Variants in RIMS2 observed in about 807,000 individuals in gnomAD.
RIMS2 encodes the protein regulating synaptic membrane exocytosis protein 2.
RIMS2 carries 59 observed loss-of-function variants against 174.4 expected under a neutral mutation model. The ratio of observed to expected loss-of-function variants is 0.34; its 90% CI spans 0.27 to 0.42. RIMS2 has a LOEUF of 0.42. Ranked by LOEUF, RIMS2 falls within the 10% of genes least tolerant of loss-of-function variation. RIMS2 has a pLI of 1.00. For missense variants in RIMS2, 1,620 were observed against 1,666.3 expected, an observed-to-expected ratio of 0.97 and a Z score of 0.48; for synonymous variants, 606 against 572.5, an observed-to-expected ratio of 1.06 and a Z score of -0.84.
intron 19 of RIMS2, among the ~76,000 whole-genome samples, chr8:104,190,654 C>T (rs991354019): frequency 2.6e-5 from 4 of 151,998 alleles, no homozygotes; most frequent in South Asian, 2.1e-4. Context: ...GCTCTGGGTG[C>T]GCAATGACTG....
chr8:103,807,492 A>C (rs2098658032), intron 3 of RIMS2, among the ~76,000 whole-genome samples: 1 of 152,154 alleles, frequency 6.6e-6, no homozygotes, highest in Admixed American at 6.6e-5. Flanking sequence ...CTTCTTCAAG[A>C]AATTTTGCTG....
intron 1 of RIMS2, among the ~76,000 whole-genome samples, chr8:103,673,548 C>T (rs1031900829): frequency 4.6e-5 from 7 of 152,230 alleles, no homozygotes; most frequent in Non-Finnish European, 1.0e-4. Context: ...AAAGTGTCAG[C>T]TCAAGCTGTA....
At chr8:103,536,262 G>A (rs114964834) in intron 1 of RIMS2, among the ~76,000 whole-genome samples, 1,568 of 152,076 alleles carry the variant, frequency 0.01, 29 homozygotes, top group African/African-American at 0.036. Context: ...TGTGTGTATG[G>A]GACCAAATTA....
chr8:104,203,684 A>G (rs1473930316), intron 19 of RIMS2, among the ~76,000 whole-genome samples: 3 of 151,686 alleles, frequency 2.0e-5, no homozygotes, highest in African/African-American at 7.3e-5. Context: ...TTGTAATTTT[A>G]GTATAGATGA....
At chr8:103,971,230 G>A (rs533722311) in intron 15 of RIMS2, among the ~76,000 whole-genome samples, 15 of 152,106 alleles carry the variant, frequency 9.9e-5, no homozygotes, top group Admixed American at 3.9e-4. Flanking sequence ...AATGTTGAGG[G>A]TTTAATTATG....
chr8:103,999,830 C>G (rs559871851), intron 17 of RIMS2, among the ~76,000 whole-genome samples: 3 of 151,776 alleles, frequency 2.0e-5, no homozygotes, highest in African/African-American at 7.2e-5. Context: ...GTACTTTTCC[C>G]CAAATTCTCA....
At chr8:103,674,895 T>C (rs959441120) in intron 1 of RIMS2, among the ~76,000 whole-genome samples, 1 of 152,226 alleles carries the variant, frequency 6.6e-6, no homozygotes, top group Non-Finnish European at 1.5e-5. Context: ...TAACCTTGAA[T>C]TTATATTTAA....
chr8:103,974,591 G>T (rs7825738), intron 15 of RIMS2, among the ~76,000 whole-genome samples: 1 of 152,046 alleles, frequency 6.6e-6, no homozygotes, highest in Non-Finnish European at 1.5e-5. Context: ...CCACATACCA[G>T]TTGCTTTCTG....
At chr8:104,025,205 A>G (rs1178686557) in intron 19 of RIMS2, among the ~76,000 whole-genome samples, 2 of 152,192 alleles carry the variant, frequency 1.3e-5, no homozygotes, top group African/African-American at 4.8e-5. Flanking sequence ...TAGTTGTCAC[A>G]TAATAGGCCA....
chr8:103,586,085 C>G (rs977529376), intron 1 of RIMS2, among the ~76,000 whole-genome samples: 2 of 151,928 alleles, frequency 1.3e-5, no homozygotes, highest in Admixed American at 6.6e-5. Flanking sequence ...ACTGGAGCAA[C>G]CAGATATATA....
chr8:103,821,889 A>AT (rs1311141576), intron 3 of RIMS2, among the ~76,000 whole-genome samples: 1 of 151,452 alleles, frequency 6.6e-6, no homozygotes, highest in Non-Finnish European at 1.5e-5. Flanking sequence ...AAGAATTTAG[A>AT]TTTTTTTTCT....
chr8:103,627,155 C>A (rs994305842), intron 1 of RIMS2, among the ~76,000 whole-genome samples: 1 of 152,234 alleles, frequency 6.6e-6, no homozygotes, highest in Admixed American at 6.5e-5. Context: ...TGCATTCCTT[C>A]CCCAGGGTTT....
chr8:103,529,611 C>G (rs1261481309), intron 1 of RIMS2, among the ~76,000 whole-genome samples: 1 of 152,216 alleles, frequency 6.6e-6, no homozygotes, highest in Non-Finnish European at 1.5e-5. Context: ...TCGGCTCATG[C>G]TCGGTGCTCT....
chr8:104,014,606 T>C, exon 19 of RIMS2: 1 of 1,604,132 alleles, frequency 6.2e-7, no homozygotes, highest in Non-Finnish European at 8.5e-7. Context: ...AAAGGGAACG[T>C]TGGATAGAAG....
intron 19 of RIMS2, among the ~76,000 whole-genome samples, chr8:104,240,826 GGTAATAA>G (rs2099286309): frequency 6.6e-6 from 1 of 152,048 alleles, no homozygotes; most frequent in South Asian, 2.1e-4. Flanking sequence ...TTCTGTATCT[GGTAATAA>G]TAACAGTATA....
At chr8:103,574,059 TTC>T (rs1450892678) in intron 1 of RIMS2, among the ~76,000 whole-genome samples, 2 of 150,930 alleles carry the variant, frequency 1.3e-5, no homozygotes, top group Non-Finnish European at 3.0e-5. Flanking sequence ...GGCCATTGAC[TTC>T]AGTAAGCAAT....
At chr8:103,809,012 A>G (rs901377568) in intron 3 of RIMS2, among the ~76,000 whole-genome samples, 6 of 152,140 alleles carry the variant, frequency 3.9e-5, no homozygotes, top group Non-Finnish European at 7.4e-5. Flanking sequence ...ACACATAATT[A>G]TTCATGGATT....
intron 3 of RIMS2, among the ~76,000 whole-genome samples, chr8:103,859,165 A>G (rs1025402816): frequency 3.9e-5 from 6 of 152,224 alleles, no homozygotes; most frequent in African/African-American, 1.2e-4. Flanking sequence ...TCTGCCAGCA[A>G]TTGGTCCCAA....
chr8:104,191,457 A>G (rs1396195575), intron 19 of RIMS2, among the ~76,000 whole-genome samples: 2 of 152,122 alleles, frequency 1.3e-5, no homozygotes, highest in Non-Finnish European at 2.9e-5. Flanking sequence ...GACACCAATC[A>G]TACATGTATA....
Sources: allele counts gnomAD v4.1 joint callset (sites outside exome capture counted in the v4.1 genomes callset), GRCh38; gene constraint gnomAD v4.1.1; transcripts MANE v1.5; gene names NCBI Gene and HGNC (gene_info 2026-07-23, HGNC 2026-07-21).